The following BMPR1B variants were observed in gnomAD, a reference collection of about 807,000 sequenced individuals.
BMPR1B encodes bone morphogenetic protein receptor type-1B.
A neutral mutation model predicts 59.1 loss-of-function variants in BMPR1B; 12 were observed. The ratio of observed to expected loss-of-function variants is 0.20; its 90% CI spans 0.13 to 0.33. The LOEUF (loss-of-function observed/expected upper bound fraction) is 0.33, where lower values mean the gene tolerates loss of function less well. BMPR1B is among the 10% of genes least tolerant of loss of function. The probability of loss-of-function intolerance (pLI) is 1.00; values close to 1 mark genes in which losing one functional copy is unlikely to be tolerated. For missense variants in BMPR1B, 550 were observed against 610.9 expected, an observed-to-expected ratio of 0.90 and a Z score of 1.05; for synonymous variants, 237 against 207.3, an observed-to-expected ratio of 1.14 and a Z score of -1.23.
intron 3 of BMPR1B, among the ~76,000 whole-genome samples, chr4:95,043,921 T>C (rs1725852582): frequency 6.6e-6 from 1 of 152,224 alleles, no homozygotes; most frequent in Non-Finnish European, 1.5e-5. Context: ...TGGTTTGTGT[T>C]GTTGACTTGT....
chr4:95,051,602 C>A, intron 3 of BMPR1B: 1 of 1,158,944 alleles, frequency 8.6e-7, no homozygotes, highest in Non-Finnish European at 1.2e-6. Flanking sequence ...GCGAGAAGAT[C>A]TGACAAGAGT....
At chr4:94,858,573 G>A (rs1054125567) in intron 1 of BMPR1B, among the ~76,000 whole-genome samples, 25 of 152,158 alleles carry the variant, frequency 1.6e-4, no homozygotes, top group Non-Finnish European at 3.4e-4. Flanking sequence ...CTCCTGAACT[G>A]TAAATTAGTT....
At chr4:94,779,650 G>GT (rs1402168534) in intron 1 of BMPR1B, among the ~76,000 whole-genome samples, 4 of 152,098 alleles carry the variant, frequency 2.6e-5, no homozygotes, top group Admixed American at 6.6e-5. Flanking sequence ...GGCCAACATG[G>GT]TGAAACCCTG....
chr4:95,017,026 AG>A (rs1723630490), intron 3 of BMPR1B, among the ~76,000 whole-genome samples: 1 of 152,204 alleles, frequency 6.6e-6, no homozygotes. Flanking sequence ...CTTTTTCCAT[AG>A]GGAAAACATT....
At chr4:94,955,901 T>TACAGGCTCCCAAAGCCTG in intron 2 of BMPR1B, among the ~76,000 whole-genome samples, 1 of 152,092 alleles carries the variant, frequency 6.6e-6, no homozygotes, top group Admixed American at 6.6e-5. Context: ...AGTGCTGGGA[T>TACAGGCTCCCAAAGCCTG]TACTACAGGC....
chr4:94,880,686 T>C (rs1313535032), intron 2 of BMPR1B, among the ~76,000 whole-genome samples: 2 of 146,904 alleles, frequency 1.4e-5, no homozygotes, highest in African/African-American at 5.1e-5. Context: ...TCACCCAGGC[T>C]GGAGTGCAGT....
intron 2 of BMPR1B, among the ~76,000 whole-genome samples, chr4:94,892,650 G>A (rs1188903520): frequency 6.6e-6 from 1 of 152,018 alleles, no homozygotes; most frequent in East Asian, 1.9e-4. Context: ...TACAGAAGAT[G>A]TGATACTTGA....
intron 3 of BMPR1B, among the ~76,000 whole-genome samples, chr4:95,013,694 T>C (rs891139087): frequency 2.0e-5 from 3 of 152,218 alleles, no homozygotes; most frequent in Admixed American, 6.5e-5. Flanking sequence ...AGAAAAGATA[T>C]AATTGTTTGA....
chr4:94,817,979 A>G (rs780750935), intron 1 of BMPR1B, among the ~76,000 whole-genome samples: 10 of 152,188 alleles, frequency 6.6e-5, no homozygotes, highest in Non-Finnish European at 1.3e-4. Flanking sequence ...GGGAACTTTC[A>G]AAATTAAATC....
chr4:94,971,360 G>T (rs1363339331), intron 2 of BMPR1B, among the ~76,000 whole-genome samples: 1 of 151,700 alleles, frequency 6.6e-6, no homozygotes, highest in Non-Finnish European at 1.5e-5. Flanking sequence ...ACCTACTAAG[G>T]GTATGTTATT....
chr4:94,947,687 C>T (rs1729771649), intron 2 of BMPR1B, among the ~76,000 whole-genome samples: 1 of 152,174 alleles, frequency 6.6e-6, no homozygotes, highest in Non-Finnish European at 1.5e-5. Context: ...GTGACAGTCC[C>T]TGCTGGGCAC....
chr4:94,957,285 T>C (rs972388882), intron 2 of BMPR1B, among the ~76,000 whole-genome samples: 4 of 151,432 alleles, frequency 2.6e-5, no homozygotes, highest in Non-Finnish European at 5.9e-5. Context: ...GAGACTGGTT[T>C]CCACTTTATG....
intron 3 of BMPR1B, among the ~76,000 whole-genome samples, chr4:95,026,118 C>CTTTCTTTTTTTCTTTCTTTA (rs879455247): frequency 7.0e-6 from 1 of 143,314 alleles, no homozygotes; most frequent in Non-Finnish European, 1.5e-5. Context: ...TTCTTTCTTT[C>CTTTCTTTTTTTCTTTCTTTA]TTTCTTTCTT....
chr4:94,958,957 T>C (rs901990656), intron 2 of BMPR1B, among the ~76,000 whole-genome samples: 6 of 152,042 alleles, frequency 3.9e-5, no homozygotes, highest in African/African-American at 1.4e-4. Flanking sequence ...AAATCTTGAT[T>C]TGGAATGAGC....
intron 1 of BMPR1B, among the ~76,000 whole-genome samples, chr4:94,768,016 G>T (rs1442824935): frequency 6.6e-6 from 1 of 151,478 alleles, no homozygotes; most frequent in Non-Finnish European, 1.5e-5. Flanking sequence ...TGTTTCATAC[G>T]ATTTGACTTT....
At chr4:94,788,214 A>G (rs930532064) in intron 1 of BMPR1B, among the ~76,000 whole-genome samples, 3 of 152,156 alleles carry the variant, frequency 2.0e-5, no homozygotes, top group Non-Finnish European at 2.9e-5. Flanking sequence ...AATTCTCTTG[A>G]CTGGAAGCTG....
chr4:94,933,472 T>G (rs1729171988), intron 2 of BMPR1B, among the ~76,000 whole-genome samples: 1 of 152,104 alleles, frequency 6.6e-6, no homozygotes. Context: ...TTTAATGGCA[T>G]TGAGTCTGGG....
Position 95,124,432 on chromosome 4 carries a change from ATTAAT to A in BMPR1B, c.446+530_446+534del, listed in dbSNP as rs1177937559. ...TGATATTTATGTCATTTGCCTTTTG[ATTAAT>A]TTATTACTCATTTGAGATACTCTGC... On this transcript the variant is annotated intron_variant, in intron 7 of 12. Coordinates refer to ENST00000515059, the MANE Select transcript of BMPR1B (RefSeq NM_001203.3). Among the ~76,000 whole-genome samples the A allele has an allele frequency of 3.3e-5, 5 of 152,022 alleles. No homozygotes were observed. In the South Asian group the frequency reaches 6.2e-4, roughly 19 times the overall value.
intron 3 of BMPR1B, among the ~76,000 whole-genome samples, chr4:95,071,652 G>GTGTATA (rs59539011): frequency 2.5e-3 from 215 of 84,320 alleles, no homozygotes; most frequent in East Asian, 6.4e-3. Context: ...GTGTGTGTGT[G>GTGTATA]TATATATATA....
Sources: allele counts gnomAD v4.1 joint callset (sites outside exome capture counted in the v4.1 genomes callset), GRCh38; gene constraint gnomAD v4.1.1; transcripts MANE v1.5; gene names NCBI Gene and HGNC (gene_info 2026-07-23, HGNC 2026-07-21).